The following MEAK7 variants were observed in gnomAD, a reference collection of about 807,000 sequenced individuals.
MEAK7 encodes MTOR associated protein MEAK7.
Under a neutral mutation model 40.5 loss-of-function variants are expected in MEAK7, and 68 were observed. The ratio of observed to expected loss-of-function variants is 1.68; its 90% CI spans 1.38 to 2.06. The LOEUF (loss-of-function observed/expected upper bound fraction) is 2.06, where lower values mean the gene tolerates loss of function less well. Among genes scored for constraint, MEAK7 ranks in the 30% most tolerant of loss-of-function variants. MEAK7 has a pLI of 0.00. For missense variants in MEAK7, 918 were observed against 580.5 expected, an observed-to-expected ratio of 1.58 and a Z score of -5.98; for synonymous variants, 338 against 231.9, an observed-to-expected ratio of 1.46 and a Z score of -4.16.
At chr16:84,480,451 G>C (rs1411383545) in intron 7 of MEAK7, 78 bp downstream of exon 7, 2 of 1,466,386 alleles carry the variant, frequency 1.4e-6, no homozygotes, top group Non-Finnish European at 1.8e-6. Context: ...GAAGAGTAAA[G>C]GGGTAATGGT....
chr16:84,499,202 G>T (rs182279057), intron 1 of MEAK7, among the ~76,000 whole-genome samples: 13 of 152,284 alleles, frequency 8.5e-5, no homozygotes, highest in Admixed American at 8.5e-4. Context: ...GCAATCGGGG[G>T]ATTCAAACAA....
chr16:84,491,554 AAC>A (rs1555513610), intron 3 of MEAK7, among the ~76,000 whole-genome samples: 3 of 131,310 alleles, frequency 2.3e-5, no homozygotes, highest in East Asian at 4.8e-4. Context: ...AAAAAAAAAA[AAC>A]GTCTGGGCAC....
chr16:84,495,573 A>T (rs1169454383), intron 3 of MEAK7, 110 bp downstream of exon 3: 1 of 996,118 alleles, frequency 1.0e-6, no homozygotes, highest in East Asian at 2.4e-5. Context: ...AACCCAGCTC[A>T]AATACTTTTT....
intron 5 of MEAK7, chr16:84,486,428 G>C (rs1913061467): frequency 2.9e-6 from 4 of 1,363,758 alleles, no homozygotes; most frequent in Non-Finnish European, 3.8e-6. Flanking sequence ...CTGAAAACTG[G>C]GGGTCACACG....
rs1029090841 is a variant in MEAK7, at chr16:84,482,684, T to C, written c.985A>G (p.Ile329Val). The C allele has an allele frequency of 1.9e-6, 3 of 1,614,172 alleles. No homozygotes were observed. The highest frequency in any genetic ancestry group is 2.5e-6 in the Non-Finnish European group (3 of 1,180,022). ...GTGTACACAGCCATGCTGGGGCAGATGGAGAACAGGAAGCATCTGTTGTCC... is the reference window on the plus strand; with the variant it reads ...GTGTACACAGCCATGCTGGGGCAGACGGAGAACAGGAAGCATCTGTTGTCC... ...QGDNRCFLFS[I>V]CPSMAVYTHT... Residue 329 changes from isoleucine to valine, a missense_variant, in exon 6 of 8, where the codon ATC becomes GTC. Physicochemically the swap from Ile to Val is conservative, Grantham distance 29 (BLOSUM62 3). Transcript: ENST00000343629.
At position 84,481,609 on chromosome 16, in the gene MEAK7, C is replaced by T. The variant is rs544846995; in HGVS notation, c.1078-901G>A. 9.2e-5 allele frequency among the ~76,000 whole-genome samples: 14 copies of T among 152,312 alleles called. No individual in the cohort carries two copies. In the East Asian group the frequency reaches 1.7e-3, roughly 19 times the overall value. The stretch of plus-strand genomic sequence containing the variant: ...GGACCAGCCTTCTCTGCCCTCAGCT[C>T]TGCAGAAACAGGGCTGGATTTTCCC... On this transcript the variant is annotated intron_variant, in intron 6 of 7. Coordinates refer to ENST00000343629, the MANE Select transcript of MEAK7 (RefSeq NM_020947.4).
At position 84,480,413 on chromosome 16, in the gene MEAK7, C is replaced by T. The variant is rs139070460; in HGVS notation, c.1257+116G>A. Reference sequence around the variant, plus strand: ...CCAAGCCAGCATCAGCTACCAGGATCAAATTTGGGATAAACTATCTGCAGA... The same window carrying T: ...CCAAGCCAGCATCAGCTACCAGGATTAAATTTGGGATAAACTATCTGCAGA... On this transcript the variant is annotated intron_variant, in intron 7 of 7. Coordinates refer to ENST00000343629, the MANE Select transcript of MEAK7 (RefSeq NM_020947.4). 806 of 1,260,086 alleles carry T rather than the reference C, an allele frequency of 6.4e-4. 3 individuals carry two copies. The African/African-American group carries it at 0.011, about 18-fold the overall frequency. 78.1% of individuals were successfully genotyped at this position (1,260,086 alleles called of 1,614,324 possible).
rs757385350 is a variant in MEAK7 at position 84,498,022 on chromosome 16, G to C, written c.65C>G (p.Ala22Gly). ...AGCATCAAACAATTGATCAATCTCT[G>C]CCTGTTCCTCAGGAAGAAACTGTGA... ...FCSQFLPEEQ[A>G]EIDQLFDALS... The change falls in exon 2 of 8, where the codon GCA becomes GGA. Residue 22 changes from alanine to glycine, a missense_variant. Physicochemically the swap from Ala to Gly is moderately conservative, Grantham distance 60. Coordinates refer to ENST00000343629, the MANE Select transcript of MEAK7 (RefSeq NM_020947.4). 6.2e-7 allele frequency: 1 copy of C among 1,614,166 alleles called. No homozygotes were observed. Among genetic ancestry groups the C allele is most frequent in the Non-Finnish European group, 8.5e-7 (1 of 1,180,032 alleles).
chr16:84,496,828 T>A (rs1402086567), intron 2 of MEAK7, among the ~76,000 whole-genome samples: 1 of 152,190 alleles, frequency 6.6e-6, no homozygotes, highest in Non-Finnish European at 1.5e-5. Context: ...GGCCACCATC[T>A]GAGCTTCACT....
rs755177803 is a variant in MEAK7, at chr16:84,495,793, T to G, written c.274A>C (p.Thr92Pro). 1.2e-6 allele frequency: 2 copies of G among 1,614,120 alleles called. No individual in the cohort carries two copies. Among genetic ancestry groups the G allele is most frequent in the East Asian group, 2.2e-5 (1 of 44,868 alleles). ...PSENVSQEQF[T>P]ASMSHLLKGN... ...TTCAACAGGTGGGACATGGATGCTG[T>G]GAACTGCTCCTGGGACACGTTCTCA... Residue 92 changes from threonine to proline, a missense_variant, in exon 3 of 8, where the codon ACA (threonine) becomes CCA (proline). Thr to Pro is a conservative substitution (Grantham distance 38). Transcript: ENST00000343629.
chr16:84,496,650 C>T (rs1446761207), intron 2 of MEAK7, among the ~76,000 whole-genome samples: 1 of 152,152 alleles, frequency 6.6e-6, no homozygotes, highest in Non-Finnish European at 1.5e-5. Flanking sequence ...CACAATGCTG[C>T]TGTCAGCTCC....
intron 4 of MEAK7, 110 bp from the exon 5 acceptor site, chr16:84,487,169 G>C: frequency 8.9e-7 from 1 of 1,124,950 alleles, no homozygotes; most frequent in East Asian, 2.5e-5. Context: ...CAATTACTGA[G>C]CACAGAAAAC....
At chr16:84,481,401 G>C (rs1027704358) in intron 6 of MEAK7, among the ~76,000 whole-genome samples, 22 of 152,204 alleles carry the variant, frequency 1.4e-4, no homozygotes, top group African/African-American at 5.3e-4. Flanking sequence ...CTCTCTCAGG[G>C]CCAATGACGA....
At chr16:84,488,925 T>C (rs896411249) in intron 4 of MEAK7, among the ~76,000 whole-genome samples, 1 of 151,102 alleles carries the variant, frequency 6.6e-6, no homozygotes, top group African/African-American at 2.4e-5. Context: ...AGGAAGAAAA[T>C]AAAAGCTAGA....
At chr16:84,501,365 G>T (rs1485433082) in intron 1 of MEAK7, among the ~76,000 whole-genome samples, 2 of 152,018 alleles carry the variant, frequency 1.3e-5, no homozygotes, top group African/African-American at 2.4e-5. Context: ...AGCAGAAGGG[G>T]GCCCAGGCCT....
rs150933877 is a variant in MEAK7, at chr16:84,498,775, C to A, written c.-25-664G>T. On this transcript the variant is annotated intron_variant, in intron 1 of 7. Transcript: ENST00000343629. ...CAATCTAAATATTCATTCTTTAAAA[C>A]CAGAGTTAGAAAATATAAATCAAAG... Among the ~76,000 whole-genome samples the A allele has an allele frequency of 2.0e-5, 3 of 152,242 alleles. No homozygotes were observed. In the South Asian group the frequency reaches 6.2e-4, roughly 32 times the overall value.
intron 4 of MEAK7, chr16:84,487,786 G>A (rs1389168357): frequency 6.6e-6 from 1 of 152,216 alleles, no homozygotes; most frequent in African/African-American, 2.4e-5. Flanking sequence ...CTTCAAACCC[G>A]AGCTCAGGAA....
intron 1 of MEAK7, chr16:84,503,896 A>G (rs901135776): frequency 2.0e-6 from 2 of 981,228 alleles, no homozygotes; most frequent in African/African-American, 3.5e-5. Flanking sequence ...CTGGCTGCCA[A>G]GCTCCAACTC....
chr16:84,486,976 G>A lies in MEAK7; in HGVS notation c.613C>T (p.His205Tyr), dbSNP rs1229150471. ...VIEDWVFRVPHVAIFLSVVIC... is the reference protein window; with the variant it reads ...VIEDWVFRVPYVAIFLSVVIC... ...ACCACACTCAGGAATATGGCCACATGGGGGACCCTGAACACCCAGTCCTCG... is the reference window on the plus strand; with the variant it reads ...ACCACACTCAGGAATATGGCCACATAGGGGACCCTGAACACCCAGTCCTCG... The change falls in exon 5 of 8, where the codon CAT (histidine) becomes TAT (tyrosine). Residue 205 changes from histidine (H) to tyrosine (Y), a missense_variant. His to Tyr is a moderately conservative substitution (Grantham distance 83, BLOSUM62 2). Transcript: ENST00000343629. The A allele has an allele frequency of 6.2e-7, 1 of 1,614,140 alleles. No homozygotes were observed. Among genetic ancestry groups the A allele is most frequent in the Admixed American group, 1.7e-5 (1 of 60,010 alleles).
Sources: allele counts gnomAD v4.1 joint callset (sites outside exome capture counted in the v4.1 genomes callset), GRCh38; gene constraint gnomAD v4.1.1; transcripts MANE v1.5; gene names NCBI Gene and HGNC (gene_info 2026-07-23, HGNC 2026-07-21).